The following RUFY3 variants were observed in gnomAD, a reference collection of about 807,000 sequenced individuals.
The protein encoded by RUFY3 is RUN and FYVE domain containing 3.
RUFY3 carries 34 observed loss-of-function variants against 84.0 expected under a neutral mutation model. That is an observed-to-expected ratio of 0.40 (90% confidence interval 0.31 to 0.54). RUFY3 has a LOEUF of 0.54. Ranked by LOEUF, RUFY3 falls within the 20% of genes least tolerant of loss-of-function variation. RUFY3 has a pLI of 0.39. For synonymous variants in RUFY3, 242 were observed against 252.9 expected, an observed-to-expected ratio of 0.96 and a Z score of 0.41; for missense variants, 507 against 736.8, an observed-to-expected ratio of 0.69 and a Z score of 3.61.
At chr4:70,804,227 G>A (rs778252045) in intron 16 of RUFY3, 121 bp from the exon 17 acceptor site, 2 of 712,250 alleles carry the variant, frequency 2.8e-6, no homozygotes, top group Non-Finnish European at 4.8e-6. Context: ...TTTATAATTG[G>A]TTTAGTTTCC....
intron 5 of RUFY3, among the ~76,000 whole-genome samples, chr4:70,770,307 A>C (rs1238828442): frequency 1.3e-5 from 2 of 152,236 alleles, no homozygotes; most frequent in South Asian, 2.1e-4. Flanking sequence ...ATCTATAGCT[A>C]TGAAAGTCCT....
intron 1 of RUFY3, among the ~76,000 whole-genome samples, chr4:70,710,920 C>G (rs370767627): frequency 1.3e-5 from 2 of 151,390 alleles, no homozygotes; most frequent in East Asian, 1.9e-4. Context: ...AAAAAATTAG[C>G]CAGGTATGGT....
intron 14 of RUFY3, chr4:70,799,508 A>G (rs1168172877): frequency 2.0e-5 from 3 of 152,626 alleles, no homozygotes; most frequent in Non-Finnish European, 4.4e-5. Context: ...AGCCTGGCCA[A>G]CATGGTGAAA....
chr4:70,800,077 T>C (rs1732030613), intron 14 of RUFY3, 64 bp from the exon 15 acceptor site: 1 of 1,484,304 alleles, frequency 6.7e-7, no homozygotes, highest in Non-Finnish European at 9.2e-7. Context: ...CAGAAGAAAA[T>C]ATTTGCAATA....
chr4:70,711,989 CAG>C (rs1741052033), intron 1 of RUFY3, among the ~76,000 whole-genome samples: 2 of 148,116 alleles, frequency 1.4e-5, no homozygotes, highest in Non-Finnish European at 2.9e-5. Flanking sequence ...TTTTTATTGA[CAG>C]AACAACAATT....
At chr4:70,737,982 CTTT>C (rs747096904) in intron 1 of RUFY3, among the ~76,000 whole-genome samples, 21 of 121,196 alleles carry the variant, frequency 1.7e-4, no homozygotes, top group East Asian at 4.9e-4. Context: ...CTATTAATTC[CTTT>C]TTTTTTTTTT....
At chr4:70,721,866 A>G, upstream of RUFY3, 1 of 1,230,448 alleles carries the variant, frequency 8.1e-7, no homozygotes, top group Middle Eastern at 3.1e-4. Context: ...AGAGAAGCCT[A>G]ATTGCTCTCC....
chr4:70,758,459 A>G lies in RUFY3; in HGVS notation c.179-4060A>G, dbSNP rs542284061. ...CAGTTTGAGCAACATAGCAAGACTA[A>G]ATAGCCATACTTTTGTATACTATTC... On this transcript the variant is annotated intron_variant, in intron 1 of 17. Coordinates refer to ENST00000381006, the MANE Select transcript of RUFY3 (RefSeq NM_001037442.4). Among the ~76,000 whole-genome samples, 6 of 152,256 alleles carry G rather than the reference A, an allele frequency of 3.9e-5. 1 individual carries two copies. In the South Asian group the frequency reaches 1.2e-3, roughly 32 times the overall value.
intron 14 of RUFY3, among the ~76,000 whole-genome samples, chr4:70,798,870 G>A (rs1276990556): frequency 6.6e-6 from 1 of 152,048 alleles, no homozygotes; most frequent in Non-Finnish European, 1.5e-5. Context: ...GCAGTTTGAG[G>A]CTGGGCGTGG....
exon 1 of RUFY3, chr4:70,705,196 G>A: frequency 2.1e-6 from 3 of 1,460,488 alleles, no homozygotes; most frequent in Non-Finnish European, 2.7e-6. Flanking sequence ...CAGCAGCAGC[G>A]CTCCTGGAGG....
chr4:70,786,676 A>C (rs566387566), intron 10 of RUFY3, among the ~76,000 whole-genome samples: 1 of 152,286 alleles, frequency 6.6e-6, no homozygotes, highest in Admixed American at 6.5e-5. Flanking sequence ...ACTATGTGTC[A>C]GTCATACTTT....
At chr4:70,782,314 G>A (rs866466109) in intron 8 of RUFY3, among the ~76,000 whole-genome samples, 3 of 141,886 alleles carry the variant, frequency 2.1e-5, no homozygotes, top group Non-Finnish European at 3.0e-5. Context: ...TTTTGAGACC[G>A]AGTTTCACTC....
intron 1 of RUFY3, among the ~76,000 whole-genome samples, chr4:70,725,208 A>G (rs1718028316): frequency 6.6e-6 from 1 of 152,202 alleles, no homozygotes; most frequent in Non-Finnish European, 1.5e-5. Flanking sequence ...TCCGCAGTAT[A>G]GGCCTGGACC....
intron 1 of RUFY3, among the ~76,000 whole-genome samples, chr4:70,755,187 G>A (rs114103054): frequency 1.7e-3 from 260 of 152,194 alleles, no homozygotes; most frequent in Non-Finnish European, 3.1e-3. Context: ...GAGCCACTGC[G>A]CCCAGCCAAA....
At chr4:70,769,698 TG>T (rs1254999114) in intron 5 of RUFY3, among the ~76,000 whole-genome samples, 1 of 152,270 alleles carries the variant, frequency 6.6e-6, no homozygotes, top group Non-Finnish European at 1.5e-5. Context: ...CTTTCAAAAT[TG>T]GAGTCAGTCC....
chr4:70,709,973 G>C (rs1432930350), intron 1 of RUFY3, among the ~76,000 whole-genome samples: 1 of 152,184 alleles, frequency 6.6e-6, no homozygotes, highest in Admixed American at 6.5e-5. Context: ...AAAGAATCTT[G>C]AAAAGGACTG....
intron 7 of RUFY3, 92 bp from the exon 8 acceptor site, chr4:70,778,277 C>A: frequency 1.9e-6 from 1 of 533,514 alleles, no homozygotes; most frequent in Non-Finnish European, 3.4e-6. Flanking sequence ...GAACATTAGA[C>A]AATGAAGGAT....
chr4:70,796,294 C>T (rs1285455862), intron 14 of RUFY3, among the ~76,000 whole-genome samples: 1 of 152,186 alleles, frequency 6.6e-6, no homozygotes, highest in Non-Finnish European at 1.5e-5. Flanking sequence ...CTTCAGCATC[C>T]CTAAAAACTG....
At chr4:70,766,381 A>G (rs143445975) in intron 4 of RUFY3, among the ~76,000 whole-genome samples, 2,628 of 151,742 alleles carry the variant, frequency 0.017, 98 homozygotes, top group African/African-American at 0.058. Context: ...AGTAGATGGG[A>G]CTATAGGCAT....
Sources: allele counts gnomAD v4.1 joint callset (sites outside exome capture counted in the v4.1 genomes callset), GRCh38; gene constraint gnomAD v4.1.1; transcripts MANE v1.5; gene names NCBI Gene and HGNC (gene_info 2026-07-23, HGNC 2026-07-21).